Variants in CAPN9 observed in about 807,000 individuals in gnomAD.
CAPN9 encodes calpain 9, also known as calpain-9.
A neutral mutation model predicts 92.8 loss-of-function variants in CAPN9; 81 were observed. That is an observed-to-expected ratio of 0.87 (90% CI 0.73 to 1.05). The LOEUF (loss-of-function observed/expected upper bound fraction) is 1.05, where lower values mean the gene tolerates loss of function less well. Ranked by LOEUF, CAPN9 falls within the 50% of genes least tolerant of loss-of-function variation. The probability of loss-of-function intolerance (pLI) is 0.00; values close to 1 mark genes in which losing one functional copy is unlikely to be tolerated. For synonymous variants in CAPN9, 304 were observed against 328.0 expected, an observed-to-expected ratio of 0.93 and a Z score of 0.79; for missense variants, 848 against 866.2, an observed-to-expected ratio of 0.98 and a Z score of 0.26.
Position 230,748,130 on chromosome 1 carries a change from G to T in CAPN9, c.213+421G>T, listed in dbSNP as rs115981997. 4.0e-3 allele frequency among the ~76,000 whole-genome samples: 614 copies of T among 152,300 alleles called. 1 individual carries two copies. The highest frequency in any genetic ancestry group is 6.5e-3 in the Non-Finnish European group (443 of 68,034). ...AGAGCTGAGGGTGCTCAGTGTGGAT[G>T]GATGTTTGGCTCAGCAAGGTCTCAG... On this transcript the variant is annotated intron_variant, in intron 1 of 19. Coordinates refer to ENST00000271971, the MANE Select transcript of CAPN9 (RefSeq NM_006615.3).
At chr1:230,750,547 G>T (rs756029753) in intron 1 of CAPN9, among the ~76,000 whole-genome samples, 5 of 152,182 alleles carry the variant, frequency 3.3e-5, no homozygotes, top group African/African-American at 1.2e-4. Context: ...AGGGAGCCGG[G>T]GGGTAGCGGG....
chr1:230,793,128 A>G (rs559349897), intron 17 of CAPN9, among the ~76,000 whole-genome samples, 200 bp downstream of exon 17: 6 of 152,338 alleles, frequency 3.9e-5, no homozygotes, highest in Admixed American at 3.3e-4. Context: ...CAGGGCCCTC[A>G]TTTTAAACCA....
intron 19 of CAPN9, among the ~76,000 whole-genome samples, chr1:230,798,959 G>A (rs552800348): frequency 6.6e-6 from 1 of 152,328 alleles, no homozygotes; most frequent in East Asian, 1.9e-4. Context: ...CTGCCCAAAG[G>A]CAGAGGGGAA....
chr1:230,800,318 G>A (rs1281163079), intron 19 of CAPN9, among the ~76,000 whole-genome samples: 1 of 150,752 alleles, frequency 6.6e-6, no homozygotes, highest in African/African-American at 2.4e-5. Flanking sequence ...AAAAACAAGA[G>A]AGACCCCTAG....
chr1:230,774,469 A>T, intron 7 of CAPN9, 85 bp from the exon 8 acceptor site: 1 of 907,842 alleles, frequency 1.1e-6, no homozygotes, highest in Non-Finnish European at 1.9e-6. Flanking sequence ...TTTCCTCCAT[A>T]ACCGCACACT....
At chr1:230,780,375 T>G (rs1349715886) in intron 10 of CAPN9, 39 bp downstream of exon 10, 1 of 1,608,474 alleles carries the variant, frequency 6.2e-7, no homozygotes, top group Non-Finnish European at 8.5e-7. Flanking sequence ...GTTCTCCATC[T>G]GAGTTCTAAA....
In CAPN9 at chr1:230,758,167, C is replaced by T. The variant is rs899188409; in HGVS notation, c.284-1345C>T. 5.9e-5 allele frequency among the ~76,000 whole-genome samples: 9 copies of T among 152,164 alleles called. 1 individual carries two copies. In the South Asian group the frequency reaches 6.2e-4, roughly 10 times the overall value. On this transcript the variant is annotated intron_variant, in intron 2 of 19. Coordinates refer to ENST00000271971, the MANE Select transcript of CAPN9 (RefSeq NM_006615.3). ...CACGTGAGGTGTTGAGTTCTCAGGCCGGAAAACACTCATTTTCCTCAACTG... is the reference window on the plus strand; with the variant it reads ...CACGTGAGGTGTTGAGTTCTCAGGCTGGAAAACACTCATTTTCCTCAACTG...
intron 4 of CAPN9, among the ~76,000 whole-genome samples, chr1:230,765,965 G>A (rs774829562): frequency 1.4e-4 from 22 of 152,202 alleles, no homozygotes; most frequent in Admixed American, 5.2e-4. Flanking sequence ...CCTTAGCCAG[G>A]TGATCAAGGC....
intron 4 of CAPN9, among the ~76,000 whole-genome samples, chr1:230,765,835 G>A (rs1665952014): frequency 6.6e-6 from 1 of 152,170 alleles, no homozygotes; most frequent in Admixed American, 6.5e-5. Flanking sequence ...CCTTGAGGAG[G>A]TGGAGTATAA....
intron 8 of CAPN9, among the ~76,000 whole-genome samples, chr1:230,775,441 A>G (rs1369294290): frequency 6.6e-6 from 1 of 152,168 alleles, no homozygotes; most frequent in African/African-American, 2.4e-5. Context: ...TGTTTAATTG[A>G]ACATTTGTAT....
chr1:230,779,036 T>C lies in CAPN9; in HGVS notation c.1017T>C (p.Asp339=), dbSNP rs370629822. 2.5e-6 allele frequency: 4 copies of C among 1,613,176 alleles called. No homozygotes were observed. The highest frequency in any genetic ancestry group is 1.7e-4 in the Middle Eastern group (1 of 5,918). The part of the protein sequence containing the change: ...DKVEICNLTP[D]ALEEDAIHKW... The stretch of plus-strand genomic sequence containing the variant: ...TGGAGATCTGCAACCTCACTCCCGA[T>C]GCCCTGGAGGAAGACGCGATCCACA... Residue 339 remains aspartate (D), a synonymous_variant, in exon 9 of 20, where the codon GAT becomes GAC. Transcript: ENST00000271971.
intron 17 of CAPN9, among the ~76,000 whole-genome samples, chr1:230,794,416 A>G (rs917489115): frequency 6.6e-6 from 1 of 152,110 alleles, no homozygotes; most frequent in Non-Finnish European, 1.5e-5. Flanking sequence ...AGAAGGCAGA[A>G]GTTGCACTGA....
intron 8 of CAPN9, among the ~76,000 whole-genome samples, chr1:230,777,189 A>C (rs573136343): frequency 6.6e-6 from 1 of 152,286 alleles, no homozygotes; most frequent in South Asian, 2.1e-4. Context: ...TAGTGGAAAG[A>C]AGGTCTGGTG....
intron 4 of CAPN9, among the ~76,000 whole-genome samples, chr1:230,764,276 A>C (rs1366607976): frequency 6.6e-6 from 1 of 152,212 alleles, no homozygotes; most frequent in African/African-American, 2.4e-5. Flanking sequence ...TAAAGATCCA[A>C]ATAAAAGAAA....
chr1:230,799,364 G>T (rs1018044064), intron 19 of CAPN9, among the ~76,000 whole-genome samples: 1 of 152,098 alleles, frequency 6.6e-6, no homozygotes, highest in African/African-American at 2.4e-5. Flanking sequence ...TACACCCAAA[G>T]CTTTGCTTTA....
chr1:230,772,719 G>A (rs1666468934), intron 7 of CAPN9, among the ~76,000 whole-genome samples: 1 of 151,432 alleles, frequency 6.6e-6, no homozygotes, highest in Admixed American at 6.6e-5. Flanking sequence ...TCCAGCCTGG[G>A]CAACAGAGCA....
chr1:230,758,125 G>A (rs1414784220), intron 2 of CAPN9, among the ~76,000 whole-genome samples: 1 of 152,216 alleles, frequency 6.6e-6, no homozygotes, highest in Non-Finnish European at 1.5e-5. Context: ...AAAGCTCAGA[G>A]CATTTCTGGC....
At chr1:230,763,310 ATGT>A (rs1044326467) in intron 4 of CAPN9, among the ~76,000 whole-genome samples, 11 of 152,256 alleles carry the variant, frequency 7.2e-5, no homozygotes, top group South Asian at 2.1e-4. Context: ...AAGTACATCC[ATGT>A]TGTTGTGCAG....
chr1:230,786,651 T>A (rs1294905163), intron 12 of CAPN9, among the ~76,000 whole-genome samples: 2 of 152,196 alleles, frequency 1.3e-5, no homozygotes, highest in African/African-American at 4.8e-5. Context: ...CTTCCCGAGC[T>A]CTATTTGTCA....
Sources: gnomAD v4.1 joint callset for allele counts (sites outside exome capture counted in the v4.1 genomes callset) on GRCh38, gnomAD v4.1.1 for gene constraint, MANE v1.5 for transcripts, NCBI Gene and HGNC (gene_info 2026-07-23, HGNC 2026-07-21) for gene names.